PDSS2: variants seen among roughly 807,000 people sequenced by gnomAD.
The protein encoded by PDSS2 is decaprenyl diphosphate synthase subunit 2, also known as all trans-polyprenyl-diphosphate synthase PDSS2.
PDSS2 carries 31 observed loss-of-function variants against 44.5 expected under a neutral mutation model. That is an observed-to-expected ratio of 0.70 (90% CI 0.52 to 0.94). The LOEUF is 0.94. Among genes scored for constraint, PDSS2 ranks in the 40% least tolerant of loss-of-function variants. The pLI, the probability that PDSS2 is intolerant of heterozygous loss-of-function variation, is 0.00. For missense variants in PDSS2, 452 were observed against 482.2 expected (o/e 0.94, Z 0.59); for synonymous variants, 157 against 180.3 (o/e 0.87, Z 1.03).
intron 1 of PDSS2, among the ~76,000 whole-genome samples, chr6:107,429,898 AAAAATATATAT>A (rs1302860948): frequency 2.6e-4 from 11 of 42,942 alleles, no homozygotes; most frequent in African/African-American, 9.3e-4. Context: ...AAAAAAAAAA[AAAAATATATAT>A]ATATATATAT....
intron 6 of PDSS2, among the ~76,000 whole-genome samples, chr6:107,208,175 G>A (rs990316953): frequency 2.7e-5 from 4 of 149,458 alleles, no homozygotes; most frequent in African/African-American, 7.4e-5. Context: ...TAGTAGAGAC[G>A]GGGTTTCACC....
chr6:107,444,083 C>A (rs185384707), intron 1 of PDSS2, among the ~76,000 whole-genome samples: 61 of 152,254 alleles, frequency 4.0e-4, no homozygotes, highest in Non-Finnish European at 8.2e-4. Flanking sequence ...GGCTGGAGTG[C>A]AGTGGAACAA....
At chr6:107,395,259 T>G (rs1228651614) in intron 1 of PDSS2, among the ~76,000 whole-genome samples, 1 of 152,152 alleles carries the variant, frequency 6.6e-6, no homozygotes, top group Non-Finnish European at 1.5e-5. Flanking sequence ...TTATGATGTA[T>G]CCTGGTGCTG....
intron 1 of PDSS2, among the ~76,000 whole-genome samples, chr6:107,435,281 AACACACACACACACACACACACAC>A (rs57353175): frequency 7.0e-4 from 94 of 133,794 alleles, no homozygotes; most frequent in African/African-American, 2.0e-3. Context: ...ACTGCCTCAA[AACACACACACACACACACACACAC>A]ACACACACAC....
intron 1 of PDSS2, among the ~76,000 whole-genome samples, chr6:107,380,323 G>A (rs938799986): frequency 6.6e-6 from 1 of 152,140 alleles, no homozygotes; most frequent in African/African-American, 2.4e-5. Context: ...TCTCAGTATT[G>A]TTAGTGTTTG....
intron 1 of PDSS2, among the ~76,000 whole-genome samples, chr6:107,455,561 G>A (rs894572390): frequency 4.6e-5 from 7 of 151,254 alleles, no homozygotes; most frequent in Non-Finnish European, 1.0e-4. Context: ...AGAGACCATC[G>A]TGGCCAACAT....
intron 7 of PDSS2, among the ~76,000 whole-genome samples, chr6:107,161,429 G>A (rs1771127235): frequency 6.7e-6 from 1 of 150,018 alleles, no homozygotes; most frequent in Non-Finnish European, 1.5e-5. Flanking sequence ...GCAGTGAGCC[G>A]AGATTGTGCC....
chr6:107,310,302 A>G (rs577371027), intron 2 of PDSS2, among the ~76,000 whole-genome samples: 20 of 151,198 alleles, frequency 1.3e-4, no homozygotes, highest in East Asian at 3.9e-4. Context: ...AAAAAAAAAA[A>G]AAAGAGAAAG....
At chr6:107,401,974 C>A (rs1184923568) in intron 1 of PDSS2, among the ~76,000 whole-genome samples, 1 of 152,006 alleles carries the variant, frequency 6.6e-6, no homozygotes, top group African/African-American at 2.4e-5. Flanking sequence ...GAAACCCTGT[C>A]TCTATTAAAA....
At chr6:107,265,216 AT>A (rs1301265513) in intron 3 of PDSS2, among the ~76,000 whole-genome samples, 1 of 152,190 alleles carries the variant, frequency 6.6e-6, no homozygotes, top group Non-Finnish European at 1.5e-5. Flanking sequence ...AGGGAAAATA[AT>A]TGACTCTGCT....
intron 4 of PDSS2, among the ~76,000 whole-genome samples, chr6:107,225,584 A>G (rs73509140): frequency 0.018 from 2,739 of 152,216 alleles, 80 homozygotes; most frequent in African/African-American, 0.063. Flanking sequence ...GGTGGGGCTA[A>G]TTGGGGGTGA....
chr6:107,437,572 T>A (rs532184980), intron 1 of PDSS2, among the ~76,000 whole-genome samples: 2 of 149,734 alleles, frequency 1.3e-5, no homozygotes, highest in African/African-American at 4.9e-5. Flanking sequence ...TGCCTTGTTA[T>A]ACATGGGGGA....
chr6:107,231,837 C>T (rs993578329), intron 4 of PDSS2, among the ~76,000 whole-genome samples: 2 of 152,012 alleles, frequency 1.3e-5, no homozygotes, highest in African/African-American at 4.8e-5. Flanking sequence ...TGGTGCGCAC[C>T]TGTAATCCCA....
At chr6:107,348,227 C>T (rs2115321319) in intron 1 of PDSS2, among the ~76,000 whole-genome samples, 1 of 152,336 alleles carries the variant, frequency 6.6e-6, no homozygotes, top group Admixed American at 6.5e-5. Context: ...TGCACTTTCA[C>T]ATGCACACAA....
chr6:107,393,921 A>ATATTTTTC (rs1779860204), intron 1 of PDSS2, among the ~76,000 whole-genome samples: 1 of 152,140 alleles, frequency 6.6e-6, no homozygotes, highest in African/African-American at 2.4e-5. Flanking sequence ...TGTTTGATAC[A>ATATTTTTC]TATTTTTCTA....
chr6:107,370,443 G>C (rs1779097146), intron 1 of PDSS2, among the ~76,000 whole-genome samples: 1 of 152,116 alleles, frequency 6.6e-6, no homozygotes, highest in Admixed American at 6.5e-5. Context: ...CTTCTACAAA[G>C]AATTTCACCA....
chr6:107,413,210 T>C (rs780746568), intron 1 of PDSS2, among the ~76,000 whole-genome samples: 1 of 152,200 alleles, frequency 6.6e-6, no homozygotes, highest in Admixed American at 6.5e-5. Flanking sequence ...TAAGAAAGAA[T>C]TGACACTTTA....
At chr6:107,188,489 G>T (rs191654162) in intron 7 of PDSS2, among the ~76,000 whole-genome samples, 1 of 152,158 alleles carries the variant, frequency 6.6e-6, no homozygotes, top group Non-Finnish European at 1.5e-5. Context: ...TGGGCCTAGG[G>T]AATAGAACAG....
At chr6:107,198,288 T>A (rs980419259) in intron 6 of PDSS2, among the ~76,000 whole-genome samples, 2 of 152,182 alleles carry the variant, frequency 1.3e-5, no homozygotes, top group Non-Finnish European at 2.9e-5. Context: ...ATAATCTAGA[T>A]CTGCTCAACA....
Sources: gnomAD v4.1 joint callset for allele counts (sites outside exome capture counted in the v4.1 genomes callset) on GRCh38, gnomAD v4.1.1 for gene constraint, MANE v1.5 for transcripts, NCBI Gene and HGNC (gene_info 2026-07-23, HGNC 2026-07-21) for gene names.